Variants in FHIT observed in about 807,000 individuals in gnomAD.
The protein encoded by FHIT is fragile histidine triad diadenosine triphosphatase, also known as bis(5'-adenosyl)-triphosphatase.
FHIT carries 19 observed loss-of-function variants against 17.9 expected under a neutral mutation model. The ratio of observed to expected loss-of-function variants is 1.06; its 90% confidence interval spans 0.74 to 1.56. The LOEUF is 1.56. FHIT is among the 40% of genes most tolerant of loss of function. The pLI is 0.00. For synonymous variants in FHIT, 81 were observed against 69.7 expected (o/e 1.16, Z -0.81); for missense variants, 248 against 189.2 (o/e 1.31, Z -1.82).
At position 60,911,166 on chromosome 3, in the gene FHIT, G is replaced by A. The variant is rs552690517; in HGVS notation, c.-110-89155C>T. ...TATTTGTAACTAGTTATAAGGAACC[G>A]GCAGGGAACAGCCTCCAGACATTTT... On this transcript the variant is annotated intron_variant, in intron 3 of 9. Coordinates refer to ENST00000492590, the MANE Select transcript of FHIT (RefSeq NM_002012.4). Among the ~76,000 whole-genome samples the A allele has an allele frequency of 1.5e-4, 23 of 152,198 alleles. 1 individual carries two copies. The South Asian group carries it at 3.3e-3, about 22-fold the overall frequency.
At chr3:60,146,266 G>A (rs1436859516) in intron 5 of FHIT, among the ~76,000 whole-genome samples, 1 of 149,760 alleles carries the variant, frequency 6.7e-6, no homozygotes, top group African/African-American at 2.5e-5. Context: ...AAAAAGGGCA[G>A]GGGGTAGGAG....
chr3:61,178,580 A>G (rs1003700108), intron 2 of FHIT, among the ~76,000 whole-genome samples: 2 of 151,478 alleles, frequency 1.3e-5, no homozygotes, highest in African/African-American at 2.4e-5. Context: ...CACACAGTTA[A>G]TGCAATTAAA....
At chr3:60,948,159 T>C (rs1434417191) in intron 3 of FHIT, among the ~76,000 whole-genome samples, 5 of 152,158 alleles carry the variant, frequency 3.3e-5, no homozygotes, top group Non-Finnish European at 5.9e-5. Flanking sequence ...GTGCTAGGTG[T>C]CCTTCCTAGC....
At chr3:60,861,215 T>C (rs13316028) in intron 3 of FHIT, among the ~76,000 whole-genome samples, 12 of 70,900 alleles carry the variant, frequency 1.7e-4, no homozygotes, top group African/African-American at 9.4e-4. Context: ...ATATATGATA[T>C]ATATGATATA....
At chr3:60,085,874 A>C (rs1258909730) in intron 5 of FHIT, among the ~76,000 whole-genome samples, 2 of 152,208 alleles carry the variant, frequency 1.3e-5, no homozygotes, top group East Asian at 3.8e-4. Flanking sequence ...ACACACAGTC[A>C]GTGTCATTTA....
intron 3 of FHIT, among the ~76,000 whole-genome samples, chr3:61,010,329 C>T (rs898116050): frequency 6.6e-6 from 1 of 152,090 alleles, no homozygotes; most frequent in African/African-American, 2.4e-5. Context: ...TCCATATTTT[C>T]CACTTAGGGT....
intron 4 of FHIT, among the ~76,000 whole-genome samples, chr3:60,768,960 A>G (rs1699947319): frequency 6.6e-6 from 1 of 152,324 alleles, no homozygotes; most frequent in African/African-American, 2.4e-5. Context: ...TACTTCTTGG[A>G]AAAGACATAT....
chr3:61,205,338 G>A (rs1329899925), intron 1 of FHIT, among the ~76,000 whole-genome samples: 1 of 152,116 alleles, frequency 6.6e-6, no homozygotes, highest in African/African-American at 2.4e-5. Flanking sequence ...TATATACCCA[G>A]TAATGAGATG....
Position 60,353,063 on chromosome 3 carries a change from A to C in FHIT, c.103+183797T>G, listed in dbSNP as rs373423783. The stretch of plus-strand genomic sequence containing the variant: ...ATCAGTTCTTAACATTTATTTCAAC[A>C]GTTTAACAAGATAAATTTGAAATCA... On this transcript the variant is annotated intron_variant, in intron 5 of 9. Transcript: ENST00000492590. Among the ~76,000 whole-genome samples, 10 of 152,314 alleles carry C rather than the reference A, an allele frequency of 6.6e-5. No individual in the cohort carries two copies. The East Asian group carries it at 9.6e-4, about 15-fold the overall frequency.
At chr3:60,455,748 TG>T (rs751253705) in intron 5 of FHIT, among the ~76,000 whole-genome samples, 3 of 152,128 alleles carry the variant, frequency 2.0e-5, no homozygotes, top group Non-Finnish European at 4.4e-5. Flanking sequence ...ATGACTTCCC[TG>T]CTTGATTTGT....
At chr3:61,116,641 G>A (rs756871912) in intron 2 of FHIT, among the ~76,000 whole-genome samples, 9 of 151,906 alleles carry the variant, frequency 5.9e-5, no homozygotes, top group Non-Finnish European at 1.2e-4. Context: ...TACATAGTAT[G>A]AGAGAGGTAT....
chr3:60,390,303 C>G (rs1274818960), intron 5 of FHIT, among the ~76,000 whole-genome samples: 2 of 149,228 alleles, frequency 1.3e-5, no homozygotes, highest in Non-Finnish European at 3.0e-5. Flanking sequence ...CCAATTTTCC[C>G]TAGAGAACTC....
intron 4 of FHIT, among the ~76,000 whole-genome samples, chr3:60,637,759 T>C (rs1396677048): frequency 1.3e-5 from 2 of 152,178 alleles, no homozygotes; most frequent in African/African-American, 2.4e-5. Context: ...TCTTGTCAAG[T>C]AAATTGGGAG....
intron 5 of FHIT, among the ~76,000 whole-genome samples, chr3:60,449,697 A>G (rs1559923478): frequency 6.6e-6 from 1 of 152,036 alleles, no homozygotes; most frequent in Non-Finnish European, 1.5e-5. Context: ...CATAAAAAAG[A>G]TACTATAAAA....
chr3:61,074,636 C>T (rs966699953), intron 2 of FHIT, among the ~76,000 whole-genome samples: 3 of 152,128 alleles, frequency 2.0e-5, no homozygotes, highest in Middle Eastern at 3.2e-3. Context: ...TGTATCACTC[C>T]TACAGTCTCC....
At chr3:60,154,949 G>A (rs1299218947) in intron 5 of FHIT, among the ~76,000 whole-genome samples, 3 of 152,034 alleles carry the variant, frequency 2.0e-5, no homozygotes, top group African/African-American at 4.8e-5. Context: ...CCTGTAATCC[G>A]AGCATCTTGG....
At chr3:61,065,002 T>G (rs72875994) in intron 2 of FHIT, among the ~76,000 whole-genome samples, 7,599 of 152,226 alleles carry the variant, frequency 0.05, 610 homozygotes, top group African/African-American at 0.17. Context: ...GATTTCTGCA[T>G]GCAAATCCAA....
At chr3:60,047,800 G>C (rs1397074271) in intron 5 of FHIT, among the ~76,000 whole-genome samples, 1 of 152,192 alleles carries the variant, frequency 6.6e-6, no homozygotes, top group Non-Finnish European at 1.5e-5. Flanking sequence ...CCCAGAGCCA[G>C]TAACGAGCAG....
At chr3:60,494,811 T>C (rs1391830092) in intron 5 of FHIT, among the ~76,000 whole-genome samples, 1 of 152,182 alleles carries the variant, frequency 6.6e-6, no homozygotes. Flanking sequence ...ATGATCTCAT[T>C]CTTTTTTGTG....
Sources: allele counts gnomAD v4.1 joint callset (sites outside exome capture counted in the v4.1 genomes callset), GRCh38; gene constraint gnomAD v4.1.1; transcripts MANE v1.5; gene names NCBI Gene and HGNC (gene_info 2026-07-23, HGNC 2026-07-21).